Variants in IL1RAPL1 observed in about 807,000 individuals in gnomAD.
IL1RAPL1 encodes interleukin-1 receptor accessory protein-like 1.
A neutral mutation model predicts 48.4 loss-of-function variants in IL1RAPL1; 3 were observed. The observed-to-expected ratio is 0.06, with a 90% CI of 0.03 to 0.16. IL1RAPL1 has a LOEUF of 0.16. Ranked by LOEUF, IL1RAPL1 falls within the 10% of genes least tolerant of loss-of-function variation. IL1RAPL1 has a pLI of 1.00. For missense variants in IL1RAPL1, 349 were observed against 530.6 expected (o/e 0.66, Z 3.36); for synonymous variants, 185 against 187.7 (o/e 0.99, Z 0.12).
chrX:29,203,703 G>T (rs1295843365), intron 2 of IL1RAPL1, among the ~76,000 whole-genome samples: 3 of 96,479 alleles, frequency 3.1e-5, no homozygotes, highest in African/African-American at 4.2e-5. Context: ...TGGGCAACAA[G>T]AGCAAAACTC....
At chrX:29,710,921 A>T (rs935256814) in intron 6 of IL1RAPL1, among the ~76,000 whole-genome samples, 12 of 107,560 alleles carry the variant, frequency 1.1e-4, no homozygotes, top group Non-Finnish European at 2.1e-4. Context: ...GGATCTGTTT[A>T]TCAAAATCTG....
chrX:28,756,504 G>A (rs373224136), intron 1 of IL1RAPL1, among the ~76,000 whole-genome samples: 10 of 111,413 alleles, frequency 9.0e-5, no homozygotes, highest in African/African-American at 1.6e-4. Flanking sequence ...CTCTCAGCAG[G>A]TGGTCAGCAC....
chrX:28,908,869 C>T (rs1923288456), intron 2 of IL1RAPL1, among the ~76,000 whole-genome samples: 1 of 111,431 alleles, frequency 9.0e-6, no homozygotes, highest in Non-Finnish European at 1.9e-5. Flanking sequence ...TTTTGATACT[C>T]TCATTAGGTG....
At chrX:29,117,201 CA>C (rs1187323194) in intron 2 of IL1RAPL1, among the ~76,000 whole-genome samples, 1 of 111,713 alleles carries the variant, frequency 9.0e-6, no homozygotes, top group Non-Finnish European at 1.9e-5. Context: ...CACTGAAATG[CA>C]AACAAGACTT....
intron 1 of IL1RAPL1, among the ~76,000 whole-genome samples, chrX:28,770,139 T>C (rs140670125): frequency 1.7e-3 from 191 of 112,288 alleles, no homozygotes; most frequent in African/African-American, 5.4e-3. Flanking sequence ...TATATTTTCA[T>C]GTTTTGGGAT....
chrX:28,658,260 C>A (rs1934773197), intron 1 of IL1RAPL1, among the ~76,000 whole-genome samples: 1 of 112,348 alleles, frequency 8.9e-6, no homozygotes, highest in Non-Finnish European at 1.9e-5. Flanking sequence ...CTCTGTTGCC[C>A]AGGCTGGAGT....
At chrX:29,915,588 C>T (rs1932791291) in intron 6 of IL1RAPL1, among the ~76,000 whole-genome samples, 1 of 110,455 alleles carries the variant, frequency 9.1e-6, no homozygotes, top group Non-Finnish European at 1.9e-5. Flanking sequence ...TAGAATCTCT[C>T]ATAAGCAAAA....
At chrX:29,644,985 T>A (rs930044313) in intron 5 of IL1RAPL1, among the ~76,000 whole-genome samples, 1 of 113,361 alleles carries the variant, frequency 8.8e-6, no homozygotes, top group Non-Finnish European at 1.9e-5. Flanking sequence ...GGCTAATCAC[T>A]GGCAGTTTTT....
intron 6 of IL1RAPL1, among the ~76,000 whole-genome samples, chrX:29,819,401 A>C (rs1930561160): frequency 9.0e-6 from 1 of 111,354 alleles, no homozygotes; most frequent in Non-Finnish European, 1.9e-5. Context: ...AAAATGTACC[A>C]TGGTGGGGGG....
At position 29,567,354 on chromosome X, in the gene IL1RAPL1, A is replaced by T. The variant is rs149184785; in HGVS notation, c.704-101076A>T. 5.0e-3 allele frequency among the ~76,000 whole-genome samples: 562 copies of T among 111,909 alleles called. 3 individuals carry two copies. Among genetic ancestry groups the T allele is most frequent in the African/African-American group, 0.017 (531 of 30,873 alleles). ...AATTGTTAAGAAGACAAAATAAATA[A>T]ATTTTCTGATGTTGACTAACTAAGA... On this transcript the variant is annotated intron_variant, in intron 5 of 10. Coordinates refer to ENST00000378993, the MANE Select transcript of IL1RAPL1 (RefSeq NM_014271.4).
intron 2 of IL1RAPL1, among the ~76,000 whole-genome samples, chrX:29,171,263 C>T (rs1358480518): frequency 1.8e-5 from 2 of 111,973 alleles, no homozygotes; most frequent in African/African-American, 6.5e-5. Flanking sequence ...GCTGGGATTA[C>T]AGGCGTGAGC....
intron 2 of IL1RAPL1, among the ~76,000 whole-genome samples, chrX:29,267,701 A>G (rs763554984): frequency 2.9e-4 from 33 of 112,193 alleles, no homozygotes; most frequent in Non-Finnish European, 5.3e-4. Flanking sequence ...GAATATTTTC[A>G]GCAAATGAAC....
At chrX:29,013,653 C>A (rs758990398) in intron 2 of IL1RAPL1, among the ~76,000 whole-genome samples, 1 of 111,350 alleles carries the variant, frequency 9.0e-6, no homozygotes, top group Admixed American at 9.6e-5. Context: ...TAAGTGGGAG[C>A]TGAATGATGA....
intron 1 of IL1RAPL1, among the ~76,000 whole-genome samples, chrX:28,714,268 G>C (rs1455036268): frequency 9.0e-6 from 1 of 111,151 alleles, no homozygotes; most frequent in Non-Finnish European, 1.9e-5. Context: ...TTAGAGCCCA[G>C]ACATCTTGCG....
At chrX:29,304,724 G>C (rs751923075) in intron 3 of IL1RAPL1, among the ~76,000 whole-genome samples, 13 of 112,526 alleles carry the variant, frequency 1.2e-4, no homozygotes, top group Admixed American at 1.1e-3. Context: ...CACTTGAAAA[G>C]ATAAGAGAAA....
intron 3 of IL1RAPL1, among the ~76,000 whole-genome samples, chrX:29,342,883 A>G (rs1435178310): frequency 1.8e-5 from 2 of 112,340 alleles, no homozygotes; most frequent in Non-Finnish European, 3.8e-5. Context: ...GAGAAGCAGT[A>G]TAATAAGGGA....
chrX:29,438,160 A>T (rs954303490), intron 5 of IL1RAPL1, among the ~76,000 whole-genome samples: 1 of 111,194 alleles, frequency 9.0e-6, no homozygotes, highest in African/African-American at 3.3e-5. Context: ...CCAAATTACA[A>T]AGTGTAGAAT....
chrX:29,190,172 T>G (rs775598478), intron 2 of IL1RAPL1, among the ~76,000 whole-genome samples: 24 of 112,084 alleles, frequency 2.1e-4, no homozygotes, highest in African/African-American at 6.8e-4. Context: ...TTAATGCAAA[T>G]TTAATAAATG....
intron 3 of IL1RAPL1, among the ~76,000 whole-genome samples, chrX:29,284,534 G>A (rs1208118293): frequency 1.8e-5 from 2 of 111,912 alleles, no homozygotes; most frequent in African/African-American, 6.5e-5. Context: ...CTTTAGGCGA[G>A]GAGTTCGAGA....
Sources: allele counts gnomAD v4.1 joint callset (sites outside exome capture counted in the v4.1 genomes callset), GRCh38; gene constraint gnomAD v4.1.1; transcripts MANE v1.5; gene names NCBI Gene and HGNC (gene_info 2026-07-23, HGNC 2026-07-21).